PLXNA4: variants seen among roughly 807,000 people sequenced by gnomAD.
PLXNA4 encodes the protein plexin-A4.
A neutral mutation model predicts 191.8 loss-of-function variants in PLXNA4; 44 were observed. The ratio of observed to expected loss-of-function variants is 0.23; its 90% CI spans 0.18 to 0.29. The LOEUF (loss-of-function observed/expected upper bound fraction) is 0.29. Ranked by LOEUF, PLXNA4 falls within the 10% of genes least tolerant of loss-of-function variation. The pLI, the probability that PLXNA4 is intolerant of heterozygous loss-of-function variation, is 1.00. For synonymous variants in PLXNA4, 1,082 were observed against 1,009.5 expected (o/e 1.07, Z -1.36); for missense variants, 1,800 against 2,488.8 (o/e 0.72, Z 5.89).
chr7:132,648,128 T>C (rs1803919868), intron 1 of PLXNA4, among the ~76,000 whole-genome samples: 1 of 151,980 alleles, frequency 6.6e-6, no homozygotes, highest in Admixed American at 6.6e-5. Flanking sequence ...CACTCACACA[T>C]ACACTCACGT....
chr7:132,385,757 C>G (rs141665332), intron 3 of PLXNA4, among the ~76,000 whole-genome samples: 7 of 152,388 alleles, frequency 4.6e-5, no homozygotes, highest in Non-Finnish European at 8.8e-5. Context: ...TGCACACACA[C>G]ACACACATTC....
At position 132,453,820 on chromosome 7, in the gene PLXNA4, G is replaced by A. The variant is rs563748149; in HGVS notation, c.1371+35472C>T. ...CTCCCAAAGTGCTGGGATTATAGGC[G>A]TGAGCCACCGCGCCCAGCCAATGAG... On this transcript the variant is annotated intron_variant, in intron 3 of 31. Coordinates refer to ENST00000321063, the MANE Select transcript of PLXNA4 (RefSeq NM_020911.2). 5.3e-5 allele frequency among the ~76,000 whole-genome samples: 8 copies of A among 152,286 alleles called. No homozygotes were observed. In the South Asian group the frequency reaches 1.5e-3, roughly 28 times the overall value.
At chr7:132,545,034 A>G (rs1800236885) in intron 1 of PLXNA4, among the ~76,000 whole-genome samples, 1 of 152,188 alleles carries the variant, frequency 6.6e-6, no homozygotes, top group African/African-American at 2.4e-5. Flanking sequence ...GTCTACACCA[A>G]ATCAATAAGA....
chr7:132,325,582 T>C (rs889667955), intron 3 of PLXNA4, among the ~76,000 whole-genome samples: 1 of 152,190 alleles, frequency 6.6e-6, no homozygotes, highest in African/African-American at 2.4e-5. Flanking sequence ...ATGTGGCCGA[T>C]GGAGGCAGAC....
intron 2 of PLXNA4, among the ~76,000 whole-genome samples, chr7:132,492,204 A>C (rs1310660992): frequency 6.6e-6 from 1 of 152,182 alleles, no homozygotes; most frequent in African/African-American, 2.4e-5. Flanking sequence ...CTTGTTTCAC[A>C]GTTCCCCACC....
intron 3 of PLXNA4, among the ~76,000 whole-genome samples, chr7:132,488,144 C>T (rs1563128350): frequency 6.6e-6 from 1 of 152,170 alleles, no homozygotes; most frequent in African/African-American, 2.4e-5. Flanking sequence ...TAGAATTACT[C>T]CACACACAAG....
intron 3 of PLXNA4, among the ~76,000 whole-genome samples, chr7:132,353,447 CATATATAT>C (rs59890004): frequency 9.4e-5 from 14 of 149,538 alleles, no homozygotes; most frequent in African/African-American, 3.4e-4. Context: ...TTCTATGCAA[CATATATAT>C]ATATATATGT....
chr7:132,171,765 G>C (rs999539108), intron 21 of PLXNA4, among the ~76,000 whole-genome samples: 1 of 152,194 alleles, frequency 6.6e-6, no homozygotes, highest in Non-Finnish European at 1.5e-5. Context: ...GAAGCAGAGA[G>C]ACCACAGTGA....
At chr7:132,282,871 C>T (rs940165553) in intron 4 of PLXNA4, among the ~76,000 whole-genome samples, 2 of 151,840 alleles carry the variant, frequency 1.3e-5, no homozygotes, top group African/African-American at 4.8e-5. Flanking sequence ...CAGCATTCAA[C>T]TTTATTTTAT....
chr7:132,132,974 T>C (rs541059533), intron 31 of PLXNA4, 75 bp downstream of exon 31: 5 of 1,557,780 alleles, frequency 3.2e-6, no homozygotes, highest in Admixed American at 1.8e-5. Flanking sequence ...TGATCTCTTA[T>C]ACGGAGGCAT....
intron 5 of PLXNA4, among the ~76,000 whole-genome samples, chr7:132,234,134 A>G (rs1407613293): frequency 1.3e-5 from 2 of 152,168 alleles, no homozygotes; most frequent in Admixed American, 1.3e-4. Flanking sequence ...AGGAGGAGAC[A>G]GCAAAGGCAT....
chr7:132,452,477 C>T (rs768326543), intron 3 of PLXNA4, among the ~76,000 whole-genome samples: 8 of 152,182 alleles, frequency 5.3e-5, no homozygotes, highest in East Asian at 1.9e-4. Flanking sequence ...GTGGCCATGA[C>T]GTCTTGGGAA....
chr7:132,591,807 A>T (rs1329490630), intron 2 of PLXNA4, among the ~76,000 whole-genome samples: 6 of 151,916 alleles, frequency 3.9e-5, no homozygotes, highest in Non-Finnish European at 4.4e-5. Context: ...GTCCTTCCCA[A>T]CTCCATTCTC....
intron 2 of PLXNA4, among the ~76,000 whole-genome samples, chr7:132,603,149 G>A (rs1802852195): frequency 6.6e-6 from 1 of 152,078 alleles, no homozygotes; most frequent in Non-Finnish European, 1.5e-5. Context: ...CAGTTTGCTG[G>A]TTTCAATTTT....
chr7:132,562,695 TCCTCCTCCTTCA>T (rs1229414719), intron 1 of PLXNA4, among the ~76,000 whole-genome samples: 8 of 103,648 alleles, frequency 7.7e-5, no homozygotes, highest in Non-Finnish European at 1.5e-4. Flanking sequence ...CTCCTTTTCC[TCCTCCTCCTTCA>T]CCTCCTCCTC....
chr7:132,558,226 C>G (rs1264742741), intron 1 of PLXNA4, among the ~76,000 whole-genome samples: 1 of 152,134 alleles, frequency 6.6e-6, no homozygotes, highest in Non-Finnish European at 1.5e-5. Flanking sequence ...CCATGCCTAC[C>G]AATATTTTTA....
intron 2 of PLXNA4, among the ~76,000 whole-genome samples, chr7:132,588,731 AAAG>A (rs1802551559): frequency 6.7e-6 from 1 of 150,118 alleles, no homozygotes; most frequent in Non-Finnish European, 1.5e-5. Flanking sequence ...GAAAAGAAAA[AAAG>A]AAAAAGAAAG....
At chr7:132,277,203 G>T (rs1800313491) in intron 4 of PLXNA4, among the ~76,000 whole-genome samples, 3 of 152,152 alleles carry the variant, frequency 2.0e-5, no homozygotes, top group African/African-American at 7.2e-5. Context: ...GGAATACTTG[G>T]CACTGTGGCT....
chr7:132,412,186 A>C (rs1260558552), intron 3 of PLXNA4, among the ~76,000 whole-genome samples: 1 of 151,968 alleles, frequency 6.6e-6, no homozygotes, highest in Non-Finnish European at 1.5e-5. Flanking sequence ...CTATTTCAAA[A>C]CCCTACTTAT....
Sources: gnomAD v4.1 joint callset for allele counts (sites outside exome capture counted in the v4.1 genomes callset) on GRCh38, gnomAD v4.1.1 for gene constraint, MANE v1.5 for transcripts, NCBI Gene and HGNC (gene_info 2026-07-23, HGNC 2026-07-21) for gene names.